Variants in SDK2 observed in about 807,000 individuals in gnomAD.
SDK2 encodes the protein sidekick cell adhesion molecule 2, also known as protein sidekick-2.
SDK2 carries 105 observed loss-of-function variants against 253.9 expected under a neutral mutation model. The observed-to-expected ratio is 0.41, with a 90% CI of 0.35 to 0.49. The LOEUF is 0.49. SDK2 is among the 20% of genes least tolerant of loss of function. SDK2 has a pLI of 0.06. For missense variants in SDK2, 2,608 were observed against 3,003.0 expected (o/e 0.87, Z 3.07); for synonymous variants, 1,249 against 1,234.9 (o/e 1.01, Z -0.24).
chr17:73,343,549 T>C (rs543035343), intron 44 of SDK2, among the ~76,000 whole-genome samples: 20 of 152,318 alleles, frequency 1.3e-4, no homozygotes, highest in African/African-American at 4.8e-4. Flanking sequence ...TCAGGGGCTG[T>C]CCTGCCAGGC....
chr17:73,549,772 G>A (rs1436290114), intron 1 of SDK2, among the ~76,000 whole-genome samples: 1 of 152,166 alleles, frequency 6.6e-6, no homozygotes, highest in African/African-American at 2.4e-5. Context: ...ACAAGGAGAG[G>A]GGTGAGAGCG....
At chr17:73,582,607 C>T (rs1047318349) in intron 1 of SDK2, among the ~76,000 whole-genome samples, 3 of 152,186 alleles carry the variant, frequency 2.0e-5, no homozygotes, top group African/African-American at 4.8e-5. Context: ...GGCTCCTGCT[C>T]GCTGCCTGTT....
intron 1 of SDK2, among the ~76,000 whole-genome samples, chr17:73,509,793 G>A (rs1262550836): frequency 2.0e-5 from 3 of 150,404 alleles, no homozygotes; most frequent in Non-Finnish European, 4.4e-5. Context: ...CTAGCTACTT[G>A]GGAGGCTGAG....
chr17:73,595,764 T>C (rs2145906404), intron 1 of SDK2, among the ~76,000 whole-genome samples: 2 of 152,172 alleles, frequency 1.3e-5, no homozygotes, highest in South Asian at 2.1e-4. Context: ...AAGGCTGGCA[T>C]CCACTCCTCA....
intron 44 of SDK2, among the ~76,000 whole-genome samples, chr17:73,339,543 T>C (rs529203713): frequency 5.5e-4 from 84 of 152,196 alleles, no homozygotes; most frequent in Middle Eastern, 3.4e-3. Flanking sequence ...CTTTCCTTTT[T>C]ATTCTTTTTT....
At chr17:73,427,010 G>A (rs1463527934) in intron 12 of SDK2, among the ~76,000 whole-genome samples, 7 of 152,042 alleles carry the variant, frequency 4.6e-5, no homozygotes, top group East Asian at 3.9e-4. Context: ...GCGTGAACCC[G>A]GGAGGCAGAG....
chr17:73,517,957 C>T (rs1430610593), intron 1 of SDK2: 1 of 152,414 alleles, frequency 6.6e-6, no homozygotes, highest in Non-Finnish European at 1.5e-5. Flanking sequence ...CTCCAGATGT[C>T]CTCCTCAGAC....
At chr17:73,550,769 A>G (rs531586040) in intron 1 of SDK2, among the ~76,000 whole-genome samples, 114 of 152,332 alleles carry the variant, frequency 7.5e-4, no homozygotes, top group African/African-American at 2.6e-3. Flanking sequence ...GGGGACAGTG[A>G]GGTAACCCAG....
At chr17:73,389,103 T>C (rs2062904600) in intron 29 of SDK2, among the ~76,000 whole-genome samples, 1 of 150,598 alleles carries the variant, frequency 6.6e-6, no homozygotes, top group Non-Finnish European at 1.5e-5. Flanking sequence ...AACTCCTTGA[T>C]TCAAGCAATC....
chr17:73,619,121 T>C (rs1433291396), intron 1 of SDK2, among the ~76,000 whole-genome samples: 2 of 149,418 alleles, frequency 1.3e-5, no homozygotes, highest in Non-Finnish European at 3.0e-5. Context: ...GAGCCAAGAT[T>C]GTGCCACTGT....
intron 2 of SDK2, among the ~76,000 whole-genome samples, chr17:73,479,000 T>C (rs1039191945): frequency 6.6e-6 from 1 of 152,252 alleles, no homozygotes; most frequent in Non-Finnish European, 1.5e-5. Flanking sequence ...ATGCACGCCG[T>C]GCTGTGCACA....
chr17:73,430,345 T>C (rs188751064), intron 12 of SDK2, among the ~76,000 whole-genome samples, 166 bp downstream of exon 12: 1 of 152,310 alleles, frequency 6.6e-6, no homozygotes, highest in East Asian at 1.9e-4. Flanking sequence ...GTTTATTTCA[T>C]ACCCCCTACC....
At chr17:73,464,128 G>A (rs1272179731) in intron 3 of SDK2, among the ~76,000 whole-genome samples, 1 of 152,068 alleles carries the variant, frequency 6.6e-6, no homozygotes, top group Non-Finnish European at 1.5e-5. Context: ...CTCTGCCCTC[G>A]ACCACCCATG....
chr17:73,601,743 GT>G (rs59337775), intron 1 of SDK2, among the ~76,000 whole-genome samples: 2,121 of 147,948 alleles, frequency 0.014, 38 homozygotes, highest in Non-Finnish European at 0.017. Flanking sequence ...CTCCAGAACT[GT>G]TTTTTTTTTT....
chr17:73,455,828 A>G lies in SDK2; in HGVS notation c.479+78T>C. On this transcript the variant is annotated intron_variant, in intron 4 of 44. Transcript: ENST00000392650. The surrounding 1 kb of genome is among the most constrained non-coding windows in gnomAD (Gnocchi z 5.0). ...GCACAAAGGCCCTCCTCCACACTCA[A>G]GGGAGACTTTATCTGGCCCCAAACC... 6.9e-7 allele frequency: 1 copy of G among 1,448,532 alleles called. No homozygotes were observed. The highest frequency in any genetic ancestry group is 9.2e-7 in the Non-Finnish European group (1 of 1,090,264). The allele number at this position is 1,448,532 out of a possible 1,614,324, so 89.7% of individuals were successfully genotyped here. A position where few individuals can be genotyped will look rare whatever the true frequency, so the allele number is the denominator to read the frequency against.
Position 73,481,724 on chromosome 17 carries a change from T to C in SDK2, c.225-9506A>G, listed in dbSNP as rs2063725551. Among the ~76,000 whole-genome samples, 2 of 152,140 alleles carry C rather than the reference T, an allele frequency of 1.3e-5. No homozygotes were observed. The highest frequency in any genetic ancestry group is 1.3e-4 in the Admixed American group (2 of 15,268). The stretch of plus-strand genomic sequence containing the variant: ...AGGAGATGCCCATCTTCTCCTGCCC[T>C]TGGACGCTGGGGCTCCTGGTTCCCG... On this transcript the variant is annotated intron_variant, in intron 2 of 44. Coordinates refer to ENST00000392650, the MANE Select transcript of SDK2 (RefSeq NM_001144952.2). This position sits in a 1 kb window ranked among gnomAD's most constrained non-coding sequence, Gnocchi z 4.5.
intron 44 of SDK2, among the ~76,000 whole-genome samples, chr17:73,340,340 C>A (rs2062424055): frequency 6.6e-6 from 1 of 152,238 alleles, no homozygotes; most frequent in Admixed American, 6.5e-5. Flanking sequence ...GAAGCAGTCA[C>A]TCCCTATCTC....
rs1289889452 is a variant in SDK2, at chr17:73,612,871, C to T, written c.64+31154G>A. Among the ~76,000 whole-genome samples, 4 of 152,122 alleles carry T rather than the reference C, an allele frequency of 2.6e-5. No homozygotes were observed. Among genetic ancestry groups the T allele is most frequent in the East Asian group, 1.9e-4 (1 of 5,188 alleles). On this transcript the variant is annotated intron_variant, in intron 1 of 44. Coordinates refer to ENST00000392650, the MANE Select transcript of SDK2 (RefSeq NM_001144952.2). This position sits in a 1 kb window ranked among gnomAD's most constrained non-coding sequence, Gnocchi z 4.4. Reference sequence around the variant, plus strand: ...GGCAGAAGTTGCAGTGAGCCAAGATCGCGCCATTGCACTCCAGCCTGGGTG... The same window carrying T: ...GGCAGAAGTTGCAGTGAGCCAAGATTGCGCCATTGCACTCCAGCCTGGGTG...
rs562995675 is a variant in SDK2, at chr17:73,449,931, AAAACAAAC to A, written c.480-2191_480-2184del. Among the ~76,000 whole-genome samples, 503 of 152,302 alleles carry A rather than the reference AAAACAAAC, an allele frequency of 3.3e-3. 3 individuals carry two copies. Among genetic ancestry groups the A allele is most frequent in the East Asian group, 8.7e-3 (45 of 5,184 alleles). On this transcript the variant is annotated intron_variant, in intron 4 of 44. Transcript: ENST00000392650. Reference sequence around the variant, plus strand: ...GAGCGAAACTCCATCTCAAAAAAACAAAACAAACAAACAAACAAAAAAACAAGAAACAA... The same window carrying A: ...GAGCGAAACTCCATCTCAAAAAAACAAAACAAACAAAAAAACAAGAAACAA...
Sources: allele counts gnomAD v4.1 joint callset (sites outside exome capture counted in the v4.1 genomes callset), GRCh38; gene constraint gnomAD v4.1.1; non-coding constraint Gnocchi (gnomAD v3.1); transcripts MANE v1.5; gene names NCBI Gene and HGNC (gene_info 2026-07-23, HGNC 2026-07-21).